PDE1A: variants seen among roughly 807,000 people sequenced by gnomAD.
PDE1A encodes phosphodiesterase 1A.
In PDE1A, 35 loss-of-function variants were observed where a neutral mutation model predicts 61.7. That is an observed-to-expected ratio of 0.57 (90% confidence interval 0.43 to 0.75). The LOEUF (loss-of-function observed/expected upper bound fraction) is 0.75. Among genes scored for constraint, PDE1A ranks in the 30% least tolerant of loss-of-function variants. The pLI, the probability that PDE1A is intolerant of heterozygous loss-of-function variation, is 0.00. For synonymous variants in PDE1A, 232 were observed against 213.2 expected, an observed-to-expected ratio of 1.09 and a Z score of -0.77; for missense variants, 597 against 630.6, an observed-to-expected ratio of 0.95 and a Z score of 0.57.
chr2:182,179,230 CTA>C (rs1221781250), intron 13 of PDE1A, among the ~76,000 whole-genome samples: 1 of 152,100 alleles, frequency 6.6e-6, no homozygotes, highest in African/African-American at 2.4e-5. Flanking sequence ...AAACAAAACA[CTA>C]ATATTTAAAA....
the PDE1A span, among the ~76,000 whole-genome samples, chr2:182,639,231 A>G: frequency 6.6e-6 from 1 of 152,220 alleles, no homozygotes; most frequent in Non-Finnish European, 1.5e-5. Flanking sequence ...ACCTAAGCAG[A>G]GAGTAAGAAA....
At chr2:182,352,599 A>T (rs557542570) in intron 1 of PDE1A, among the ~76,000 whole-genome samples, 26 of 152,338 alleles carry the variant, frequency 1.7e-4, no homozygotes, top group Non-Finnish European at 3.4e-4. Context: ...AAACTACTTT[A>T]TGGACATCAA....
the PDE1A span, among the ~76,000 whole-genome samples, chr2:182,564,344 G>A: frequency 6.6e-6 from 1 of 152,118 alleles, no homozygotes; most frequent in Admixed American, 6.6e-5. Flanking sequence ...GAACTTCTGG[G>A]TTGAAAATTC....
intron 1 of PDE1A, among the ~76,000 whole-genome samples, chr2:182,350,866 G>C (rs1325115439): frequency 6.6e-6 from 1 of 152,090 alleles, no homozygotes; most frequent in East Asian, 1.9e-4. Context: ...CTCACACGTT[G>C]ACTCACCCAC....
chr2:182,448,689 T>C (rs1327796040), intron 2 of PDE1A, among the ~76,000 whole-genome samples: 1 of 152,138 alleles, frequency 6.6e-6, no homozygotes, highest in Non-Finnish European at 1.5e-5. Context: ...GTATTCACTT[T>C]CAGCAGAGTT....
chr2:182,277,401 C>T (rs1693500862), intron 1 of PDE1A, among the ~76,000 whole-genome samples: 1 of 152,040 alleles, frequency 6.6e-6, no homozygotes, highest in Non-Finnish European at 1.5e-5. Context: ...CCCCGATAAG[C>T]AATTCATTTG....
At chr2:182,458,674 C>A (rs1686079695) in intron 2 of PDE1A, among the ~76,000 whole-genome samples, 1 of 152,098 alleles carries the variant, frequency 6.6e-6, no homozygotes, top group Non-Finnish European at 1.5e-5. Flanking sequence ...ATTCCCAACT[C>A]AATCTTATAC....
chr2:182,274,544 C>G (rs558812141), intron 1 of PDE1A, among the ~76,000 whole-genome samples: 1 of 152,106 alleles, frequency 6.6e-6, no homozygotes, highest in South Asian at 2.1e-4. Flanking sequence ...TCTTGAAAGG[C>G]CAATTTTTTG....
At chr2:182,550,547 A>G in the PDE1A span, among the ~76,000 whole-genome samples, 23 of 152,302 alleles carry the variant, frequency 1.5e-4, no homozygotes, top group East Asian at 4.2e-3. Context: ...ATTCCGTTCT[A>G]CTGAAGAAAA....
the PDE1A span, among the ~76,000 whole-genome samples, chr2:182,709,873 A>T: frequency 6.6e-6 from 1 of 152,082 alleles, no homozygotes; most frequent in Admixed American, 6.6e-5. Flanking sequence ...ACCAAATCGT[A>T]CCTACTGCCT....
chr2:182,581,172 C>T, the PDE1A span, among the ~76,000 whole-genome samples: 1 of 152,020 alleles, frequency 6.6e-6, no homozygotes, highest in Non-Finnish European at 1.5e-5. Flanking sequence ...AATTTTAGTC[C>T]CTGGAAGATA....
chr2:182,704,221 A>AC, the PDE1A span, among the ~76,000 whole-genome samples: 1 of 150,418 alleles, frequency 6.6e-6, no homozygotes, highest in African/African-American at 2.4e-5. Context: ...GAAAAAAAAA[A>AC]AAAACAAAAA....
chr2:182,586,002 A>G, the PDE1A span, among the ~76,000 whole-genome samples: 1 of 152,202 alleles, frequency 6.6e-6, no homozygotes, highest in Non-Finnish European at 1.5e-5. Context: ...AAGATATTAC[A>G]CAGATGATAT....
intron 2 of PDE1A, among the ~76,000 whole-genome samples, chr2:182,261,138 T>C (rs1277256469): frequency 1.3e-5 from 2 of 152,230 alleles, no homozygotes; most frequent in Non-Finnish European, 2.9e-5. Flanking sequence ...ATGTTTTATA[T>C]GTTGTCATCT....
Position 182,483,205 on chromosome 2 carries a change from G to A in PDE1A, c.101+39071C>T, listed in dbSNP as rs115819926. On this transcript the variant is annotated intron_variant, in intron 2 of 14. Transcript: ENST00000410103. ...AAGCTAAAACTGACAGAATTTAAAG[G>A]CAAAATAGGCAATTAAACAATTATA... Among the ~76,000 whole-genome samples the A allele has an allele frequency of 1.6e-3, 243 of 151,532 alleles. 1 individual carries two copies. The highest frequency in any genetic ancestry group is 5.5e-3 in the African/African-American group (227 of 41,376).
downstream of PDE1A, among the ~76,000 whole-genome samples, chr2:182,164,918 T>C (rs1409461719): frequency 1.3e-5 from 2 of 152,128 alleles, no homozygotes; most frequent in African/African-American, 4.8e-5. Flanking sequence ...TGCCATCCTA[T>C]TCCACACAGC....
the PDE1A span, among the ~76,000 whole-genome samples, chr2:182,693,143 C>G: frequency 1.3e-5 from 2 of 152,038 alleles, no homozygotes; most frequent in East Asian, 1.9e-4. Flanking sequence ...AAATAATTCC[C>G]TAGAATCCTA....
At chr2:182,487,220 A>G (rs1688075158) in intron 2 of PDE1A, among the ~76,000 whole-genome samples, 1 of 152,164 alleles carries the variant, frequency 6.6e-6, no homozygotes, top group Non-Finnish European at 1.5e-5. Context: ...ATGAGATACA[A>G]TTCCACACCT....
intron 2 of PDE1A, among the ~76,000 whole-genome samples, chr2:182,475,886 T>A (rs1016101794): frequency 6.6e-6 from 1 of 151,978 alleles, no homozygotes; most frequent in Admixed American, 6.6e-5. Context: ...GTTTCTGAGA[T>A]AACATAGTTT....
Sources: gnomAD v4.1 joint callset for allele counts (sites outside exome capture counted in the v4.1 genomes callset) on GRCh38, gnomAD v4.1.1 for gene constraint, MANE v1.5 for transcripts, NCBI Gene and HGNC (gene_info 2026-07-23, HGNC 2026-07-21) for gene names.